Variants in RAB6A observed in about 807,000 individuals in gnomAD.
The protein encoded by RAB6A is RAB6A, member RAS oncogene family.
RAB6A carries 8 observed loss-of-function variants against 32.3 expected under a neutral mutation model. The ratio of observed to expected loss-of-function variants is 0.25; its 90% CI spans 0.15 to 0.45. RAB6A has a LOEUF of 0.45. Among genes scored for constraint, RAB6A ranks in the 20% least tolerant of loss-of-function variants. The probability of loss-of-function intolerance (pLI) is 1.00; values close to 1 mark genes in which losing one functional copy is unlikely to be tolerated. For missense variants in RAB6A, 104 were observed against 249.4 expected, an observed-to-expected ratio of 0.42 and a Z score of 3.93; for synonymous variants, 73 against 82.1, an observed-to-expected ratio of 0.89 and a Z score of 0.60.
chr11:73,739,510 T>C (rs993485417), intron 1 of RAB6A, among the ~76,000 whole-genome samples: 1 of 148,836 alleles, frequency 6.7e-6, no homozygotes. Flanking sequence ...CAGGGTCTTG[T>C]TCTGTCTCAG....
At chr11:73,681,594 C>T (rs781548561) in intron 6 of RAB6A, among the ~76,000 whole-genome samples, 4 of 152,120 alleles carry the variant, frequency 2.6e-5, no homozygotes, top group Non-Finnish European at 4.4e-5. Flanking sequence ...AGGCAGATTA[C>T]GAGGTCGAGT....
At chr11:73,700,810 C>T (rs1287779293) in intron 6 of RAB6A, among the ~76,000 whole-genome samples, 1 of 152,042 alleles carries the variant, frequency 6.6e-6, no homozygotes, top group East Asian at 1.9e-4. Flanking sequence ...TGACAACAAT[C>T]TTCTGTAAGA....
chr11:73,696,896 T>G (rs1340500454), intron 6 of RAB6A, among the ~76,000 whole-genome samples: 1 of 152,084 alleles, frequency 6.6e-6, no homozygotes, highest in African/African-American at 2.4e-5. Context: ...TGAGCCATCG[T>G]GCCTGGCCTG....
intron 1 of RAB6A, among the ~76,000 whole-genome samples, chr11:73,738,502 T>C (rs1318437744): frequency 1.3e-5 from 2 of 151,946 alleles, no homozygotes; most frequent in Non-Finnish European, 2.9e-5. Context: ...TAAAAAGAAA[T>C]TTAGCCAAGC....
intron 1 of RAB6A, among the ~76,000 whole-genome samples, chr11:73,738,265 C>T (rs980530136): frequency 1.3e-5 from 2 of 152,132 alleles, no homozygotes; most frequent in African/African-American, 4.8e-5. Context: ...ACCACGGCCT[C>T]CCAAAGTACC....
intron 2 of RAB6A, chr11:73,729,575 TA>T (rs1285901547): frequency 1.1e-4 from 16 of 152,208 alleles, no homozygotes; most frequent in African/African-American, 3.6e-4. Context: ...CTCTCTTTCA[TA>T]TATTTCTGCT....
rs117875831 is a variant in RAB6A at position 73,756,699 on chromosome 11, C to T, written c.70+3867G>A. Among the ~76,000 whole-genome samples the T allele has an allele frequency of 1.1e-4, 17 of 152,300 alleles. No homozygotes were observed. In the East Asian group the frequency reaches 3.3e-3, roughly 29 times the overall value. ...ATTCCTTTATTTATTTATTTAGAGACAAAGTCTCGCTCTGAGGCCCAGGCT... is the reference window on the plus strand; with the variant it reads ...ATTCCTTTATTTATTTATTTAGAGATAAAGTCTCGCTCTGAGGCCCAGGCT... On this transcript the variant is annotated intron_variant, in intron 1 of 7. Transcript: ENST00000336083.
intron 1 of RAB6A, among the ~76,000 whole-genome samples, chr11:73,744,786 C>A (rs1016027602): frequency 6.6e-6 from 1 of 151,866 alleles, no homozygotes; most frequent in Non-Finnish European, 1.5e-5. Flanking sequence ...ACCATCCTGG[C>A]CAACATGGTG....
rs751433338 is a variant in RAB6A, at chr11:73,760,101, A to G, written c.70+465T>C. The G allele has an allele frequency of 5.4e-6, 7 of 1,290,890 alleles. No individual in the cohort carries two copies. The South Asian group carries it at 8.6e-5, about 16-fold the overall frequency. 80.0% of individuals were successfully genotyped at this position (1,290,890 alleles called of 1,614,324 possible). ...CAAGCCTCTGGGGAAAACAACGCCC[A>G]GATCCCACCCTCCTTGGCCAAGGTT... On this transcript the variant is annotated intron_variant, in intron 1 of 7. Coordinates refer to ENST00000336083, the MANE Select transcript of RAB6A (RefSeq NM_198896.2).
At chr11:73,711,896 T>C (rs1945963395) in intron 5 of RAB6A, among the ~76,000 whole-genome samples, 1 of 152,234 alleles carries the variant, frequency 6.6e-6, no homozygotes, top group Non-Finnish European at 1.5e-5. Context: ...TCTTTTCAGA[T>C]AATTAAGAGC....
chr11:73,704,208 C>T (rs1190791318), intron 6 of RAB6A: 3 of 437,162 alleles, frequency 6.9e-6, no homozygotes, highest in South Asian at 3.2e-5. Context: ...ATGGCAAGAA[C>T]CTATTCTCTG....
chr11:73,677,599 C>T lies in RAB6A; in HGVS notation c.*299G>A. 1.5e-6 allele frequency: 1 copy of T among 649,880 alleles called. No individual in the cohort carries two copies. The highest frequency in any genetic ancestry group is 2.6e-6 in the Non-Finnish European group (1 of 388,804). 40.3% of individuals were successfully genotyped at this position (649,880 alleles called of 1,614,324 possible). A position where few individuals can be genotyped will look rare whatever the true frequency, so the allele number is the denominator to read the frequency against. The stretch of plus-strand genomic sequence containing the variant: ...TTGAGATTTCCATCATTTTGAAGTA[C>T]ATTATCATAACATTAAAAAAGAAAA... On this transcript the variant is annotated 3_prime_UTR_variant, in exon 8 of 8. Transcript: ENST00000336083.
Position 73,712,358 on chromosome 11 carries a change from C to CT in RAB6A, c.401+3892dup, listed in dbSNP as rs372602435. 6.3e-3 allele frequency among the ~76,000 whole-genome samples: 941 copies of CT among 150,334 alleles called. 3 individuals carry two copies. The highest frequency in any genetic ancestry group is 0.021 in the Middle Eastern group (6 of 288). On this transcript the variant is annotated intron_variant, in intron 5 of 7. Coordinates refer to ENST00000336083, the MANE Select transcript of RAB6A (RefSeq NM_198896.2). ...AAACTGGGTCTGTTCCTAGCTTTTC[C>CT]TTTTTTTTTTTTGAGACAGTCTCAC...
intron 2 of RAB6A, chr11:73,722,339 ATATATTTT>A (rs1187988853): frequency 3.5e-3 from 37 of 10,612 alleles, no homozygotes; most frequent in Non-Finnish European, 6.3e-3. Flanking sequence ...ATATATATAT[ATATATTTT>A]TTTTTTTTTT....
intron 6 of RAB6A, among the ~76,000 whole-genome samples, chr11:73,699,144 C>T (rs976886971): frequency 9.9e-5 from 15 of 152,100 alleles, no homozygotes; most frequent in South Asian, 2.1e-4. Flanking sequence ...TGAGCCACTG[C>T]GCCAGGCCGA....
At chr11:73,725,723 T>C (rs1175577344) in intron 2 of RAB6A, among the ~76,000 whole-genome samples, 1 of 152,168 alleles carries the variant, frequency 6.6e-6, no homozygotes, top group Non-Finnish European at 1.5e-5. Flanking sequence ...TTGTGGGAGT[T>C]ACAATTCAAG....
chr11:73,703,825 T>C (rs1049185861), intron 6 of RAB6A, among the ~76,000 whole-genome samples: 7 of 152,082 alleles, frequency 4.6e-5, no homozygotes, highest in Non-Finnish European at 1.0e-4. Context: ...TACCCAGCAC[T>C]TTGGGAGGCC....
intron 3 of RAB6A, among the ~76,000 whole-genome samples, chr11:73,719,434 G>C (rs544663862): frequency 6.6e-6 from 1 of 152,156 alleles, no homozygotes; most frequent in Non-Finnish European, 1.5e-5. Context: ...CAGAACATGC[G>C]AGTGTGTGCG....
At chr11:73,717,873 A>G (rs963855975) in intron 4 of RAB6A, among the ~76,000 whole-genome samples, 1 of 152,208 alleles carries the variant, frequency 6.6e-6, no homozygotes, top group African/African-American at 2.4e-5. Context: ...TATGTCATAA[A>G]CCAATTTACA....
Sources: allele counts gnomAD v4.1 joint callset (sites outside exome capture counted in the v4.1 genomes callset), GRCh38; gene constraint gnomAD v4.1.1; transcripts MANE v1.5; gene names NCBI Gene and HGNC (gene_info 2026-07-23, HGNC 2026-07-21).